The following ARID1A variants were observed in gnomAD, a reference collection of about 807,000 sequenced individuals.
The protein encoded by ARID1A is AT-rich interactive domain-containing protein 1A.
A neutral mutation model predicts 212.6 loss-of-function variants in ARID1A; 20 were observed. The ratio of observed to expected loss-of-function variants is 0.09; its 90% CI spans 0.07 to 0.14. ARID1A has a LOEUF of 0.14. Among genes scored for constraint, ARID1A ranks in the 10% least tolerant of loss-of-function variants. ARID1A has a pLI of 1.00. For missense variants in ARID1A, 2,587 were observed against 3,059.0 expected (o/e 0.85, Z 3.64); for synonymous variants, 1,376 against 1,222.1 (o/e 1.13, Z -2.63).
chr1:26,768,470 A>C (rs1411569494), intron 11 of ARID1A, among the ~76,000 whole-genome samples: 1 of 152,218 alleles, frequency 6.6e-6, no homozygotes, highest in African/African-American at 2.4e-5. Flanking sequence ...AAAGTTAGAA[A>C]TAACTTTGGC....
intron 1 of ARID1A, among the ~76,000 whole-genome samples, chr1:26,728,225 A>G (rs531876633): frequency 1.3e-5 from 2 of 152,346 alleles, no homozygotes; most frequent in South Asian, 4.1e-4. Context: ...GATTTCAGAT[A>G]TAGCCTAAGA....
At chr1:26,703,644 A>G (rs2080360010) in intron 1 of ARID1A, among the ~76,000 whole-genome samples, 1 of 152,248 alleles carries the variant, frequency 6.6e-6, no homozygotes, top group Non-Finnish European at 1.5e-5. Context: ...AGGTTGCTTA[A>G]TATTGCATGG....
chr1:26,756,043 A>T (rs1397963617), intron 4 of ARID1A, among the ~76,000 whole-genome samples: 1 of 151,006 alleles, frequency 6.6e-6, no homozygotes, highest in Admixed American at 6.6e-5. Context: ...GCGCCTGGCC[A>T]AGTTTTGGTT....
intron 1 of ARID1A, among the ~76,000 whole-genome samples, chr1:26,710,528 C>CACACACACACACACACACA (rs1553147494): frequency 8.1e-5 from 12 of 148,174 alleles, no homozygotes; most frequent in African/African-American, 2.8e-4. Flanking sequence ...CACACACACA[C>CACACACACACACACACACA]CACTTGTTGT....
intron 4 of ARID1A, among the ~76,000 whole-genome samples, chr1:26,755,807 G>A (rs920954991): frequency 6.6e-5 from 10 of 151,184 alleles, no homozygotes; most frequent in Non-Finnish European, 1.3e-4. Context: ...GCAGTGGTGC[G>A]ATCTCGGCTC....
At chr1:26,733,344 T>C (rs2124793513) in intron 4 of ARID1A, among the ~76,000 whole-genome samples, 1 of 152,234 alleles carries the variant, frequency 6.6e-6, no homozygotes, top group African/African-American at 2.4e-5. Flanking sequence ...GGACTGACCA[T>C]ATCCTGAGAC....
chr1:26,773,312 C>T (rs1209134006), intron 14 of ARID1A, 34 bp from the exon 15 acceptor site: 1 of 1,536,272 alleles, frequency 6.5e-7, no homozygotes, highest in Non-Finnish European at 8.8e-7. Context: ...TGTCAACTTA[C>T]CAGTTTGTTC....
At chr1:26,708,265 AC>A (rs2080413548) in intron 1 of ARID1A, among the ~76,000 whole-genome samples, 2 of 31,656 alleles carry the variant, frequency 6.3e-5, no homozygotes, top group African/African-American at 1.3e-4. Context: ...ACAGTCCTTC[AC>A]TTTTTTTTTT....
chr1:26,700,438 C>T (rs758381213), intron 1 of ARID1A, among the ~76,000 whole-genome samples: 8 of 152,152 alleles, frequency 5.3e-5, no homozygotes, highest in Non-Finnish European at 1.0e-4. Context: ...CTGGGAAGAT[C>T]TTAGACAAAC....
At chr1:26,709,749 C>T (rs1431824380) in intron 1 of ARID1A, among the ~76,000 whole-genome samples, 2 of 151,408 alleles carry the variant, frequency 1.3e-5, no homozygotes, top group Non-Finnish European at 2.9e-5. Context: ...AACTCCTGAC[C>T]TCAAGCAATC....
In ARID1A at chr1:26,781,540, A is replaced by T. The variant is rs919252408; in HGVS notation, c.*784A>T. The T allele has an allele frequency of 4.3e-6, 1 of 233,140 alleles. No homozygotes were observed. Among genetic ancestry groups the T allele is most frequent in the African/African-American group, 2.2e-5 (1 of 45,340 alleles). 14.4% of individuals were successfully genotyped at this position (233,140 alleles called of 1,614,324 possible). ...ACCTCTTTCTCTCCTCCTTGATTGT[A>T]TGAATAACCCTGAGATCACCTCTTA... On this transcript the variant is annotated 3_prime_UTR_variant, in exon 20 of 20. Transcript: ENST00000324856.
intron 1 of ARID1A, among the ~76,000 whole-genome samples, chr1:26,727,318 G>T (rs1047522710): frequency 6.6e-6 from 1 of 152,192 alleles, no homozygotes; most frequent in East Asian, 1.9e-4. Context: ...CCAGGGAGTG[G>T]TGGAAGTGAT....
chr1:26,732,579 A>G (rs2080690761), intron 3 of ARID1A, 97 bp from the exon 4 acceptor site: 2 of 946,366 alleles, frequency 2.1e-6, no homozygotes, highest in Non-Finnish European at 1.7e-6. Flanking sequence ...TTTCTCTCAC[A>G]CTCATGAGAG....
At position 26,697,256 on chromosome 1, in the gene ARID1A, G is replaced by T; in HGVS notation, c.853G>T (p.Gly285Ter). ...AGGCGGCCCCTCCGCGGCCGGCGGG[G>T]GAACTCCCCAGCCCACCGCCACCCC... ...GGGGPSAAGG[G>*]TPQPTATPTL... Residue 285 changes from glycine (G) to a stop codon, truncating the protein, a stop_gained, in exon 1 of 20, where the codon GGA (glycine) becomes TGA (stop). Coordinates refer to ENST00000324856, the MANE Select transcript of ARID1A (RefSeq NM_006015.6). LOFTEE classifies it high-confidence loss of function. 1 of 1,372,482 alleles carries T rather than the reference G, an allele frequency of 7.3e-7. No individual in the cohort carries two copies. The highest frequency in any genetic ancestry group is 3.0e-5 in the East Asian group (1 of 33,106). 85.0% of individuals were successfully genotyped at this position (1,372,482 alleles called of 1,614,324 possible).
intron 1 of ARID1A, among the ~76,000 whole-genome samples, chr1:26,709,468 G>A (rs2080428177): frequency 6.6e-6 from 1 of 152,048 alleles, no homozygotes; most frequent in African/African-American, 2.4e-5. Flanking sequence ...GCACTACCAT[G>A]GAAGTTCTCA....
rs566622718 is a variant in ARID1A at position 26,766,251 on chromosome 1, G to A, written c.2763G>A (p.Gly921=). ...CAGGCTACCCCAATATGAATCAAGGGGGCATGATGGGAACTGGACCTCCTT... is the reference window on the plus strand; with the variant it reads ...CAGGCTACCCCAATATGAATCAAGGAGGCATGATGGGAACTGGACCTCCTT... ...RPPGYPNMNQ[G]GMMGTGPPYG... The change falls in exon 9 of 20, where the codon GGG becomes GGA. Residue 921 remains glycine, a synonymous_variant. Coordinates refer to ENST00000324856, the MANE Select transcript of ARID1A (RefSeq NM_006015.6). The A allele has an allele frequency of 2.7e-4, 437 of 1,613,964 alleles. 4 individuals carry two copies. In the South Asian group the frequency reaches 3.0e-3, roughly 11 times the overall value.
In ARID1A at chr1:26,696,131, G is replaced by A; in HGVS notation, c.-273G>A. The A allele has an allele frequency of 2.1e-6, 1 of 477,598 alleles. No homozygotes were observed. Among genetic ancestry groups the A allele is most frequent in the Non-Finnish European group, 3.0e-6 (1 of 335,600 alleles). The allele number at this position is 477,598 out of a possible 1,614,324, so 29.6% of individuals were successfully genotyped here. ...GGCTTGGGGGGAATGAGCCGGGAGA[G>A]CCGGGTCCCGAGCCTACAGAGCCGG... On this transcript the variant is annotated 5_prime_UTR_variant, in exon 1 of 20. Transcript: ENST00000324856.
Position 26,774,197 on chromosome 1 carries a change from T to G in ARID1A, c.4102-132T>G. On this transcript the variant is annotated intron_variant, in intron 17 of 19. Transcript: ENST00000324856. The surrounding 1 kb of genome is among the most constrained non-coding windows in gnomAD (Gnocchi z 5.6). ...TTGGAAACAACTTCAAAAGACAATT[T>G]GTTAAGGTGATTCCCATGTTTTCTT... 1 of 1,447,032 alleles carries G rather than the reference T, an allele frequency of 6.9e-7. No homozygotes were observed. Among genetic ancestry groups the G allele is most frequent in the Non-Finnish European group, 9.1e-7 (1 of 1,095,812 alleles). 89.6% of individuals were successfully genotyped at this position (1,447,032 alleles called of 1,614,324 possible).
intron 4 of ARID1A, among the ~76,000 whole-genome samples, chr1:26,746,348 CT>C (rs1366821845): frequency 6.6e-6 from 1 of 152,152 alleles, no homozygotes; most frequent in Non-Finnish European, 1.5e-5. Flanking sequence ...TCCCCCTTGC[CT>C]TTTCTTTTGC....
Sources: allele counts gnomAD v4.1 joint callset (sites outside exome capture counted in the v4.1 genomes callset), GRCh38; gene constraint gnomAD v4.1.1; non-coding constraint Gnocchi (gnomAD v3.1); transcripts MANE v1.5; gene names NCBI Gene and HGNC (gene_info 2026-07-23, HGNC 2026-07-21).